EPHA6: variants seen among roughly 807,000 people sequenced by gnomAD.
EPHA6 encodes the protein EPH receptor A6.
In EPHA6, 50 loss-of-function variants were observed where a neutral mutation model predicts 112.0. That is an observed-to-expected ratio of 0.45 (90% CI 0.36 to 0.56). EPHA6 has a LOEUF of 0.56. Among genes scored for constraint, EPHA6 ranks in the 20% least tolerant of loss-of-function variants. The probability of loss-of-function intolerance (pLI) is 0.00; values close to 1 mark genes in which losing one functional copy is unlikely to be tolerated. For synonymous variants in EPHA6, 529 were observed against 490.7 expected (o/e 1.08, Z -1.03); for missense variants, 1,280 against 1,417.4 (o/e 0.90, Z 1.56).
intron 2 of EPHA6, among the ~76,000 whole-genome samples, chr3:96,983,131 C>T (rs561037450): frequency 2.3e-3 from 346 of 152,258 alleles, no homozygotes; most frequent in African/African-American, 7.5e-3. Context: ...TTAGTTGATG[C>T]AGTTTCTTCC....
chr3:97,579,590 G>T (rs1333137441), intron 11 of EPHA6, among the ~76,000 whole-genome samples: 1 of 152,084 alleles, frequency 6.6e-6, no homozygotes, highest in Non-Finnish European at 1.5e-5. Context: ...ATGTCATAGG[G>T]TGATTCATAT....
At chr3:97,443,248 G>A (rs950552131) in intron 6 of EPHA6, among the ~76,000 whole-genome samples, 1 of 151,134 alleles carries the variant, frequency 6.6e-6, no homozygotes, top group Non-Finnish European at 1.5e-5. Context: ...ATGACTTCTA[G>A]TGGAACCATT....
intron 3 of EPHA6, among the ~76,000 whole-genome samples, chr3:97,000,287 A>ACACACATACATATATATAGC (rs2043600819): frequency 6.8e-6 from 1 of 147,102 alleles, no homozygotes; most frequent in African/African-American, 2.6e-5. Context: ...ACACACACAC[A>ACACACATACATATATATAGC]CACACATATA....
chr3:96,878,734 A>G (rs996472544), intron 2 of EPHA6, among the ~76,000 whole-genome samples: 1 of 152,066 alleles, frequency 6.6e-6, no homozygotes, highest in Admixed American at 6.5e-5. Flanking sequence ...CTTACAAATT[A>G]CTATTTATAT....
chr3:97,088,934 A>G (rs1055944315), intron 3 of EPHA6, among the ~76,000 whole-genome samples: 36 of 152,164 alleles, frequency 2.4e-4, no homozygotes, highest in African/African-American at 8.4e-4. Flanking sequence ...AAAGTTTGGG[A>G]AAAGAGCATC....
chr3:97,156,008 T>C (rs531138104), intron 3 of EPHA6, among the ~76,000 whole-genome samples: 31 of 152,296 alleles, frequency 2.0e-4, no homozygotes, highest in South Asian at 6.2e-4. Flanking sequence ...TCTCCCTATA[T>C]TAAGGTCTGT....
intron 3 of EPHA6, among the ~76,000 whole-genome samples, chr3:97,112,330 A>T (rs9846180): frequency 6.6e-6 from 1 of 152,002 alleles, no homozygotes; most frequent in Non-Finnish European, 1.5e-5. Flanking sequence ...ACCATTCATG[A>T]GTTCTGTGAT....
At chr3:96,963,466 G>T (rs926669280) in intron 2 of EPHA6, among the ~76,000 whole-genome samples, 1 of 152,014 alleles carries the variant, frequency 6.6e-6, no homozygotes, top group Non-Finnish European at 1.5e-5. Flanking sequence ...TTTGTTACTG[G>T]GTCAACTGTC....
chr3:96,883,755 C>G (rs1373136336), intron 2 of EPHA6, among the ~76,000 whole-genome samples: 1 of 152,056 alleles, frequency 6.6e-6, no homozygotes, highest in Non-Finnish European at 1.5e-5. Context: ...AACCTCCCAC[C>G]TCCTGGGTTG....
At chr3:97,466,021 A>G (rs1423388145) in intron 7 of EPHA6, among the ~76,000 whole-genome samples, 1 of 151,798 alleles carries the variant, frequency 6.6e-6, no homozygotes, top group East Asian at 1.9e-4. Flanking sequence ...AAATTGATAC[A>G]TGAGACCCAT....
At chr3:96,922,182 C>T (rs902503187) in intron 2 of EPHA6, among the ~76,000 whole-genome samples, 3 of 152,176 alleles carry the variant, frequency 2.0e-5, no homozygotes, top group African/African-American at 7.2e-5. Context: ...GGTAGGAACT[C>T]TATTTCTGGT....
At chr3:96,836,987 C>A (rs757594237) in intron 1 of EPHA6, among the ~76,000 whole-genome samples, 3 of 152,018 alleles carry the variant, frequency 2.0e-5, no homozygotes, top group Non-Finnish European at 2.9e-5. Flanking sequence ...AAGTAACTTA[C>A]CCGAAAACAC....
intron 11 of EPHA6, among the ~76,000 whole-genome samples, chr3:97,589,163 C>CT (rs1184809574): frequency 0.035 from 5,029 of 143,586 alleles, 170 homozygotes; most frequent in African/African-American, 0.094. Context: ...CTTTTCTTCT[C>CT]TTTTTTTTTT....
In EPHA6 at chr3:97,167,428, A is replaced by G. The variant is rs151093449; in HGVS notation, c.1115-58836A>G. On this transcript the variant is annotated intron_variant, in intron 3 of 17. Coordinates refer to ENST00000389672, the MANE Select transcript of EPHA6 (RefSeq NM_001080448.3). ...GTTTCAACTTAGACCCTGAATTTCT[A>G]TGTTTTCAGCCTCCATAAATATTTA... 6.3e-3 allele frequency among the ~76,000 whole-genome samples: 962 copies of G among 152,216 alleles called. 8 individuals carry two copies. Among genetic ancestry groups the G allele is most frequent in the African/African-American group, 0.022 (913 of 41,548 alleles).
rs572216113 is a variant in EPHA6 at position 96,900,028 on chromosome 3, T to G, written c.450+33139T>G. Among the ~76,000 whole-genome samples the G allele has an allele frequency of 3.9e-3, 591 of 152,278 alleles. 2 individuals carry two copies. The highest frequency in any genetic ancestry group is 6.0e-3 in the Non-Finnish European group (407 of 68,020). Reference sequence around the variant, plus strand: ...TTGATTTATTCTGTACTGTGAACCATGGGAAAGTAAAGTATTACACAGGCC... The same window carrying G: ...TTGATTTATTCTGTACTGTGAACCAGGGGAAAGTAAAGTATTACACAGGCC... On this transcript the variant is annotated intron_variant, in intron 2 of 17. Transcript: ENST00000389672.
At chr3:97,563,785 A>G (rs2093224514) in intron 11 of EPHA6, among the ~76,000 whole-genome samples, 1 of 152,188 alleles carries the variant, frequency 6.6e-6, no homozygotes, top group Non-Finnish European at 1.5e-5. Flanking sequence ...ACATGTTTAG[A>G]GATAGACTTG....
At chr3:96,993,102 G>T (rs1214780790) in intron 3 of EPHA6, among the ~76,000 whole-genome samples, 1 of 152,126 alleles carries the variant, frequency 6.6e-6, no homozygotes, top group East Asian at 1.9e-4. Flanking sequence ...TCTTGAGGGA[G>T]AGTTGTAGTA....
chr3:97,450,832 A>C (rs906616503), intron 7 of EPHA6, among the ~76,000 whole-genome samples: 2 of 152,004 alleles, frequency 1.3e-5, no homozygotes, highest in African/African-American at 4.8e-5. Flanking sequence ...TCTGTGAGGA[A>C]AATAAAAAGT....
Position 97,557,375 on chromosome 3 carries a change from T to C in EPHA6, c.2386+24832T>C, listed in dbSNP as rs1397424386. 2.0e-5 allele frequency among the ~76,000 whole-genome samples: 3 copies of C among 151,992 alleles called. No homozygotes were observed. In the East Asian group the frequency reaches 5.8e-4, roughly 29 times the overall value. On this transcript the variant is annotated intron_variant, in intron 11 of 17. Transcript: ENST00000389672. Reference sequence around the variant, plus strand: ...GAGATGCCTGGCATTATTTTATATGTTCATTAGCCATTTTCATCTCTTTTT... The same window carrying C: ...GAGATGCCTGGCATTATTTTATATGCTCATTAGCCATTTTCATCTCTTTTT...
Sources: gnomAD v4.1 joint callset for allele counts (sites outside exome capture counted in the v4.1 genomes callset) on GRCh38, gnomAD v4.1.1 for gene constraint, MANE v1.5 for transcripts, NCBI Gene and HGNC (gene_info 2026-07-23, HGNC 2026-07-21) for gene names.